Variants in SUGP1 observed in about 807,000 individuals in gnomAD.
The protein encoded by SUGP1 is SURP and G-patch domain containing 1.
A neutral mutation model predicts 76.5 loss-of-function variants in SUGP1; 34 were observed. That is an observed-to-expected ratio of 0.44 (90% CI 0.34 to 0.59). SUGP1 has a LOEUF of 0.59. SUGP1 is among the 20% of genes least tolerant of loss of function. The pLI is 0.01. For missense variants in SUGP1, 752 were observed against 851.7 expected (o/e 0.88, Z 1.46); for synonymous variants, 326 against 326.2 (o/e 1.00, Z 0.01).
intron 8 of SUGP1, among the ~76,000 whole-genome samples, chr19:19,286,459 T>C (rs1184425652): frequency 6.6e-6 from 1 of 152,182 alleles, no homozygotes; most frequent in Non-Finnish European, 1.5e-5. Context: ...TAGAGAAAAC[T>C]GTCTTCAGAT....
rs140807092 is a variant in SUGP1 at position 19,310,448 on chromosome 19, A to G, written c.207-248T>C. On this transcript the variant is annotated intron_variant, in intron 2 of 13. Transcript: ENST00000247001. ...TTCTGATAAAAGCAATACTCCATGT[A>G]TTATCTCTGCCTGAATATTAACCCT... Among the ~76,000 whole-genome samples, 309 of 152,298 alleles carry G rather than the reference A, an allele frequency of 2.0e-3. 2 individuals are homozygous for G. The highest frequency in any genetic ancestry group is 2.8e-3 in the Non-Finnish European group (190 of 68,030).
intron 4 of SUGP1, 181 bp downstream of exon 4, chr19:19,305,668 G>A (rs74317508): frequency 0.012 from 6,698 of 562,596 alleles, 317 homozygotes; most frequent in East Asian, 0.097. Context: ...CCCCAGCCCC[G>A]CCCCTCACCC....
At chr19:19,304,386 C>G (rs548744388) in intron 4 of SUGP1, among the ~76,000 whole-genome samples, 4 of 152,022 alleles carry the variant, frequency 2.6e-5, no homozygotes, top group Admixed American at 1.3e-4. Flanking sequence ...TTGCCATCTG[C>G]CAGGACAGGC....
intron 3 of SUGP1, among the ~76,000 whole-genome samples, chr19:19,308,365 C>A (rs566900573): frequency 1.1e-4 from 17 of 152,182 alleles, no homozygotes; most frequent in Non-Finnish European, 1.9e-4. Flanking sequence ...GAAGAGAATA[C>A]GACGTGTGTT....
rs1432544613 is a variant in SUGP1 at position 19,306,039 on chromosome 19, T to C, written c.348A>G (p.Thr116=). The change falls in exon 4 of 14, where the codon ACA becomes ACG. Residue 116 remains threonine, a synonymous_variant. Transcript: ENST00000247001. ...ACCTCTTCCCAGCGCTGGGGGTGGG[T>C]GTGCTGGGAGGGGCGCTGGGCGCAC... ...PTSAPSAPPS[T]PTPSAGKRSL... is the part of the protein sequence containing the mutation. 2 of 1,609,436 alleles carry C rather than the reference T, an allele frequency of 1.2e-6. No individual in the cohort carries two copies. Among genetic ancestry groups the C allele is most frequent in the Non-Finnish European group, 8.5e-7 (1 of 1,178,340 alleles).
intron 4 of SUGP1, among the ~76,000 whole-genome samples, chr19:19,304,830 A>G (rs1485532422): frequency 6.6e-6 from 1 of 152,066 alleles, no homozygotes; most frequent in Non-Finnish European, 1.5e-5. Flanking sequence ...GTGTAGCCCA[A>G]CGAGGGCCCC....
intron 2 of SUGP1, among the ~76,000 whole-genome samples, chr19:19,311,245 T>G (rs982437711): frequency 1.3e-5 from 2 of 152,002 alleles, no homozygotes; most frequent in African/African-American, 4.8e-5. Context: ...GTATATCAGC[T>G]GTGCTCAACT....
chr19:19,310,729 C>G (rs376832268), intron 2 of SUGP1, among the ~76,000 whole-genome samples: 4 of 152,296 alleles, frequency 2.6e-5, no homozygotes, highest in African/African-American at 7.2e-5. Flanking sequence ...CTGCAACCTC[C>G]TCCACCCAGG....
At chr19:19,299,790 T>A (rs754367862) in intron 7 of SUGP1, among the ~76,000 whole-genome samples, 1 of 151,892 alleles carries the variant, frequency 6.6e-6, no homozygotes, top group Non-Finnish European at 1.5e-5. Flanking sequence ...CTTTTCATTT[T>A]TTTTTTGTTT....
At chr19:19,288,021 CATAA>C (rs1472790408) in intron 8 of SUGP1, among the ~76,000 whole-genome samples, 1 of 152,152 alleles carries the variant, frequency 6.6e-6, no homozygotes, top group East Asian at 1.9e-4. Flanking sequence ...ATGTCCGCTT[CATAA>C]ATAGTCAATA....
At chr19:19,313,936 A>G (rs745862458) in intron 2 of SUGP1, among the ~76,000 whole-genome samples, 3 of 151,958 alleles carry the variant, frequency 2.0e-5, no homozygotes, top group Non-Finnish European at 4.4e-5. Flanking sequence ...GCCAGGAGTT[A>G]AAGACCAGCC....
chr19:19,285,852 A>G (rs545610598), intron 8 of SUGP1, among the ~76,000 whole-genome samples: 2 of 152,300 alleles, frequency 1.3e-5, no homozygotes, highest in Admixed American at 1.3e-4. Flanking sequence ...GGCATGAGCT[A>G]CCGTACCCGG....
intron 2 of SUGP1, among the ~76,000 whole-genome samples, chr19:19,311,632 C>G (rs934559720): frequency 6.9e-6 from 1 of 144,686 alleles, no homozygotes; most frequent in African/African-American, 2.6e-5. Flanking sequence ...GAGGCTGAGG[C>G]AGAAGAATGG....
intron 11 of SUGP1, among the ~76,000 whole-genome samples, chr19:19,278,361 T>C (rs566374474): frequency 6.6e-5 from 10 of 152,180 alleles, no homozygotes; most frequent in Admixed American, 1.3e-4. Flanking sequence ...AGAGGCAGAA[T>C]GTTAAACTCT....
chr19:19,302,191 C>A, intron 7 of SUGP1, 74 bp downstream of exon 7: 1 of 1,589,268 alleles, frequency 6.3e-7, no homozygotes, highest in South Asian at 1.1e-5. Context: ...CTGGACTATG[C>A]TGATCCAGTG....
intron 3 of SUGP1, among the ~76,000 whole-genome samples, chr19:19,309,363 T>G (rs1381323067): frequency 6.6e-6 from 1 of 152,132 alleles, no homozygotes; most frequent in Non-Finnish European, 1.5e-5. Context: ...CATGCCCCTG[T>G]AGCCCCAGCT....
chr19:19,309,502 G>A (rs949372357), intron 3 of SUGP1, among the ~76,000 whole-genome samples: 6 of 152,102 alleles, frequency 3.9e-5, no homozygotes, highest in Admixed American at 6.6e-5. Context: ...ATTACTGGCC[G>A]GGCGGAGTGG....
rs1323063642 is a variant in SUGP1, at chr19:19,279,461, G to A, written c.1351-71C>T. 39 of 1,476,048 alleles carry A rather than the reference G, an allele frequency of 2.6e-5. 1 individual carries two copies. The highest frequency in any genetic ancestry group is 4.9e-5 in the East Asian group (2 of 40,882). The allele number at this position is 1,476,048 out of a possible 1,614,324, so 91.4% of individuals were successfully genotyped here. ...TGCCGGAGCCCCGCTCCTGCTCCCCGCCTCCAGTGCTGGGCATCCCCCGCC... is the reference window on the plus strand; with the variant it reads ...TGCCGGAGCCCCGCTCCTGCTCCCCACCTCCAGTGCTGGGCATCCCCCGCC... On this transcript the variant is annotated intron_variant, in intron 9 of 13. Coordinates refer to ENST00000247001, the MANE Select transcript of SUGP1 (RefSeq NM_172231.4).
At chr19:19,305,778 T>C (rs774830366) in intron 4 of SUGP1, 71 bp downstream of exon 4, 2 of 1,477,290 alleles carry the variant, frequency 1.4e-6, no homozygotes, top group Non-Finnish European at 1.8e-6. Flanking sequence ...GCACTTGCCC[T>C]GCCCACCACA....
Sources: allele counts gnomAD v4.1 joint callset (sites outside exome capture counted in the v4.1 genomes callset), GRCh38; gene constraint gnomAD v4.1.1; transcripts MANE v1.5; gene names NCBI Gene and HGNC (gene_info 2026-07-23, HGNC 2026-07-21).